JAKMIP2: variants seen among roughly 807,000 people sequenced by gnomAD.
JAKMIP2 encodes the protein janus kinase and microtubule-interacting protein 2.
A neutral mutation model predicts 115.0 loss-of-function variants in JAKMIP2; 25 were observed. That is an observed-to-expected ratio of 0.22 (90% CI 0.16 to 0.30). The LOEUF (loss-of-function observed/expected upper bound fraction) is 0.30. JAKMIP2 is among the 10% of genes least tolerant of loss of function. The probability of loss-of-function intolerance (pLI) is 1.00; values close to 1 mark genes in which losing one functional copy is unlikely to be tolerated. For synonymous variants in JAKMIP2, 334 were observed against 343.6 expected (o/e 0.97, Z 0.31); for missense variants, 642 against 957.6 (o/e 0.67, Z 4.35).
chr5:147,715,988 T>TCC (rs1474375219), intron 1 of JAKMIP2, among the ~76,000 whole-genome samples: 2 of 92,388 alleles, frequency 2.2e-5, no homozygotes, highest in African/African-American at 8.5e-5. Flanking sequence ...ATGCTATCCC[T>TCC]CCCCCCTCCC....
chr5:147,617,156 T>A lies in JAKMIP2; in HGVS notation c.2346+755A>T, dbSNP rs529592717. On this transcript the variant is annotated intron_variant, in intron 19 of 21. Transcript: ENST00000616793. ...ATTAAAAATTTTTGCTGGAAATTAG[T>A]AGTGGGTGCCTATTTTGGACCTTGC... 4.6e-5 allele frequency among the ~76,000 whole-genome samples: 7 copies of A among 152,294 alleles called. No homozygotes were observed. In the East Asian group the frequency reaches 5.8e-4, roughly 13 times the overall value.
intron 1 of JAKMIP2, among the ~76,000 whole-genome samples, chr5:147,735,256 T>C (rs191438379): frequency 7.2e-4 from 110 of 152,322 alleles, no homozygotes; most frequent in African/African-American, 2.5e-3. Flanking sequence ...ACTTACAGAA[T>C]GTGAAAGTGA....
intron 20 of JAKMIP2, 90 bp downstream of exon 20, chr5:147,612,216 T>C (rs1756363979): frequency 2.2e-6 from 2 of 905,444 alleles, no homozygotes; most frequent in Non-Finnish European, 3.7e-6. Context: ...ACACAATAAC[T>C]GAGAAGCCAG....
rs1419531510 is a variant in JAKMIP2 at position 147,587,670 on chromosome 5, G to A, written c.*4037C>T. ...TTGAAACAATGAACTTGTGAATTAT[G>A]TTAAAGCAAACATAAGAATTACACA... On this transcript the variant is annotated 3_prime_UTR_variant, in exon 22 of 22. Transcript: ENST00000616793. 1 of 152,056 alleles carries A rather than the reference G, an allele frequency of 6.6e-6. No homozygotes were observed. Among genetic ancestry groups the A allele is most frequent in the Non-Finnish European group, 1.5e-5 (1 of 68,010 alleles). The allele number at this position is 152,056 out of a possible 1,614,324, so 9.4% of individuals were successfully genotyped here.
intron 1 of JAKMIP2, among the ~76,000 whole-genome samples, chr5:147,748,474 G>A (rs1419864989): frequency 6.6e-6 from 1 of 151,364 alleles, no homozygotes; most frequent in Admixed American, 6.6e-5. Context: ...ACAAAAAGCA[G>A]CCCCAAATCA....
chr5:147,601,857 G>T, intron 20 of JAKMIP2, 46 bp from the exon 21 acceptor site: 2 of 881,334 alleles, frequency 2.3e-6, no homozygotes, highest in Non-Finnish European at 3.6e-6. Context: ...AATTTCTGTA[G>T]TGCCATTCAG....
At chr5:147,782,416 A>G (rs1192851212) in intron 1 of JAKMIP2, 40 bp downstream of exon 1, 7 of 1,533,254 alleles carry the variant, frequency 4.6e-6, no homozygotes, top group Non-Finnish European at 6.1e-6. Flanking sequence ...AAATAAGAAC[A>G]CTCTAAACCA....
At chr5:147,780,861 T>C (rs899612792) in intron 1 of JAKMIP2, among the ~76,000 whole-genome samples, 1 of 152,196 alleles carries the variant, frequency 6.6e-6, no homozygotes, top group African/African-American at 2.4e-5. Flanking sequence ...GTACTGACAA[T>C]GATATTGTTA....
At chr5:147,607,369 T>C (rs1268912177) in intron 20 of JAKMIP2, among the ~76,000 whole-genome samples, 1 of 152,120 alleles carries the variant, frequency 6.6e-6, no homozygotes, top group Admixed American at 6.6e-5. Context: ...GTTTATTGAG[T>C]GTTTTTAGCA....
intron 1 of JAKMIP2, among the ~76,000 whole-genome samples, chr5:147,756,865 A>G (rs1186730434): frequency 1.3e-5 from 2 of 152,216 alleles, no homozygotes; most frequent in Non-Finnish European, 2.9e-5. Flanking sequence ...AACAGAGGAC[A>G]TGAAAAATCA....
chr5:147,628,320 T>C (rs1757200542), intron 16 of JAKMIP2, among the ~76,000 whole-genome samples: 1 of 152,104 alleles, frequency 6.6e-6, no homozygotes. Context: ...ACTTTCTGAA[T>C]GAGAAGGCAA....
intron 20 of JAKMIP2, among the ~76,000 whole-genome samples, chr5:147,608,999 C>T (rs1200403418): frequency 1.0e-4 from 2 of 19,294 alleles, no homozygotes; most frequent in Non-Finnish European, 2.5e-4. Context: ...ATTGCAACCC[C>T]AGCTTTTTTT....
intron 2 of JAKMIP2, among the ~76,000 whole-genome samples, chr5:147,662,239 G>A (rs1413027913): frequency 6.6e-6 from 1 of 151,608 alleles, no homozygotes; most frequent in Non-Finnish European, 1.5e-5. Flanking sequence ...TCCTCTCTCT[G>A]ATGAAGGACT....
At chr5:147,629,072 CATGTT>C (rs1476840485) in intron 15 of JAKMIP2, among the ~76,000 whole-genome samples, 1 of 152,094 alleles carries the variant, frequency 6.6e-6, no homozygotes, top group Non-Finnish European at 1.5e-5. Context: ...TATTAATAGT[CATGTT>C]ATGAGAAAAA....
At chr5:147,782,202 G>C (rs1755784048) in intron 1 of JAKMIP2, among the ~76,000 whole-genome samples, 1 of 151,994 alleles carries the variant, frequency 6.6e-6, no homozygotes, top group Non-Finnish European at 1.5e-5. Flanking sequence ...GGCACCAAGT[G>C]GCTCAGTCTG....
At chr5:147,646,573 T>G (rs142748138) in intron 5 of JAKMIP2, among the ~76,000 whole-genome samples, 1,628 of 152,048 alleles carry the variant, frequency 0.011, 11 homozygotes, top group Non-Finnish European at 0.019. Flanking sequence ...AAGATACACC[T>G]TAAATAAAAC....
intron 16 of JAKMIP2, among the ~76,000 whole-genome samples, chr5:147,627,086 CAG>C (rs1163090889): frequency 2.0e-5 from 3 of 152,078 alleles, no homozygotes; most frequent in South Asian, 2.1e-4. Context: ...GGGCAAAAAA[CAG>C]GGGGTGGGGA....
chr5:147,676,631 C>T (rs12651994), intron 1 of JAKMIP2, among the ~76,000 whole-genome samples: 25,636 of 152,178 alleles, frequency 0.17, 2,763 homozygotes, highest in East Asian at 0.44. Flanking sequence ...TTTTAGCTTA[C>T]TCTTCAGGCC....
intron 3 of JAKMIP2, among the ~76,000 whole-genome samples, chr5:147,655,769 C>A (rs1224188496): frequency 6.6e-6 from 1 of 152,000 alleles, no homozygotes; most frequent in African/African-American, 2.4e-5. Context: ...TTCTCTAGTT[C>A]TTTTAATTGT....
Sources: allele counts gnomAD v4.1 joint callset (sites outside exome capture counted in the v4.1 genomes callset), GRCh38; gene constraint gnomAD v4.1.1; transcripts MANE v1.5; gene names NCBI Gene and HGNC (gene_info 2026-07-23, HGNC 2026-07-21).